NDST3: variants seen among roughly 807,000 people sequenced by gnomAD.
The protein encoded by NDST3 is N-deacetylase and N-sulfotransferase 3.
NDST3 carries 58 observed loss-of-function variants against 96.1 expected under a neutral mutation model. The observed-to-expected ratio is 0.60, with a 90% CI of 0.49 to 0.75. The LOEUF (loss-of-function observed/expected upper bound fraction) is 0.75. Ranked by LOEUF, NDST3 falls within the 30% of genes least tolerant of loss-of-function variation. NDST3 has a pLI of 0.00. For missense variants in NDST3, 788 were observed against 1,034.2 expected, an observed-to-expected ratio of 0.76 and a Z score of 3.27; for synonymous variants, 333 against 359.7, an observed-to-expected ratio of 0.93 and a Z score of 0.84.
rs559743184 is a variant in NDST3 at position 118,138,294 on chromosome 4, T to G, written c.1410+55T>G. On this transcript the variant is annotated intron_variant, in intron 5 of 13. Transcript: ENST00000296499. ...AACTAATTCTGCAAGATTTCATTCC[T>G]CACTTGAAGAAAGAAAAACACAAAT... is the stretch of plus-strand genomic sequence containing the variant. 32 of 1,443,574 alleles carry G rather than the reference T, an allele frequency of 2.2e-5. No individual in the cohort carries two copies. The African/African-American group carries it at 3.9e-4, about 17-fold the overall frequency. The allele number at this position is 1,443,574 out of a possible 1,614,324, so 89.4% of individuals were successfully genotyped here. A position where few individuals can be genotyped will look rare whatever the true frequency, so the allele number is the denominator to read the frequency against.
chr4:118,229,910 G>C (rs1165952337), intron 8 of NDST3, among the ~76,000 whole-genome samples: 3 of 151,966 alleles, frequency 2.0e-5, no homozygotes, highest in Non-Finnish European at 4.4e-5. Flanking sequence ...GTTTTTATCT[G>C]GAAAAATGCC....
At chr4:118,206,608 C>A (rs557841853) in intron 6 of NDST3, among the ~76,000 whole-genome samples, 2 of 144,778 alleles carry the variant, frequency 1.4e-5, no homozygotes, top group South Asian at 4.6e-4. Flanking sequence ...ATAGGAGTTA[C>A]TGATATTTCC....
At chr4:118,075,812 T>C (rs1727480800) in intron 2 of NDST3, among the ~76,000 whole-genome samples, 1 of 152,310 alleles carries the variant, frequency 6.6e-6, no homozygotes, top group South Asian at 2.1e-4. Flanking sequence ...CTTTGTCAGA[T>C]GGGTAGATTG....
chr4:118,066,032 A>C (rs895884789), intron 2 of NDST3, among the ~76,000 whole-genome samples: 4 of 133,150 alleles, frequency 3.0e-5, no homozygotes, highest in African/African-American at 1.1e-4. Flanking sequence ...TAATAATAAT[A>C]AGTTCTTCAC....
chr4:118,091,225 C>G lies in NDST3; in HGVS notation c.982-13793C>G, dbSNP rs72905238. Among the ~76,000 whole-genome samples the G allele has an allele frequency of 6.3e-3, 961 of 151,698 alleles. 8 individuals carry two copies. The highest frequency in any genetic ancestry group is 0.022 in the African/African-American group (916 of 41,394). ...TACCTGGATGATGAAATAATTTGTA[C>G]CCCATAGCCCCACAGCACACAATTT... On this transcript the variant is annotated intron_variant, in intron 2 of 13. Coordinates refer to ENST00000296499, the MANE Select transcript of NDST3 (RefSeq NM_004784.3).
At chr4:118,071,628 T>C (rs968207340) in intron 2 of NDST3, among the ~76,000 whole-genome samples, 1 of 152,130 alleles carries the variant, frequency 6.6e-6, no homozygotes, top group Non-Finnish European at 1.5e-5. Context: ...TGATATTCCA[T>C]GGCATATATT....
chr4:118,122,714 G>A (rs987722381), intron 4 of NDST3, among the ~76,000 whole-genome samples: 1 of 152,208 alleles, frequency 6.6e-6, no homozygotes, highest in Non-Finnish European at 1.5e-5. Context: ...AGAACCTTAC[G>A]GTTCAGTGAG....
rs979152829 is a variant in NDST3 at position 118,173,900 on chromosome 4, C to T, written c.1539+30216C>T. ...CTACAAACACAAGCTGATTCTTAAA[C>T]TGAGAAAGCAATATCCAGAGTCAGA... On this transcript the variant is annotated intron_variant, in intron 6 of 13. Coordinates refer to ENST00000296499, the MANE Select transcript of NDST3 (RefSeq NM_004784.3). Among the ~76,000 whole-genome samples the T allele has an allele frequency of 2.6e-5, 4 of 152,216 alleles. No individual in the cohort carries two copies. The South Asian group carries it at 8.3e-4, about 32-fold the overall frequency.
intron 3 of NDST3, among the ~76,000 whole-genome samples, chr4:118,110,976 C>G (rs1370641829): frequency 6.6e-6 from 1 of 152,114 alleles, no homozygotes; most frequent in Non-Finnish European, 1.5e-5. Context: ...TGGAATACTA[C>G]ACAGCCATTA....
At chr4:118,144,044 T>G (rs565182441) in intron 6 of NDST3, among the ~76,000 whole-genome samples, 1 of 152,300 alleles carries the variant, frequency 6.6e-6, no homozygotes, top group South Asian at 2.1e-4. Context: ...CTATTATTAT[T>G]TTTATTTTAC....
intron 8 of NDST3, among the ~76,000 whole-genome samples, chr4:118,230,087 G>A (rs1740166975): frequency 6.6e-6 from 1 of 152,146 alleles, no homozygotes; most frequent in African/African-American, 2.4e-5. Context: ...CAGCTGGTAA[G>A]TACAAGAATA....
intron 2 of NDST3, among the ~76,000 whole-genome samples, chr4:118,080,922 A>G (rs1338002898): frequency 6.6e-6 from 1 of 152,194 alleles, no homozygotes; most frequent in East Asian, 1.9e-4. Context: ...AGGCTTATAA[A>G]TAAACTTATC....
intron 6 of NDST3, among the ~76,000 whole-genome samples, chr4:118,152,086 T>C (rs1281338282): frequency 2.0e-5 from 3 of 152,244 alleles, no homozygotes; most frequent in Admixed American, 2.0e-4. Context: ...AATTAACTTT[T>C]CTAATGAACT....
In NDST3 at chr4:118,175,136, A is replaced by C. The variant is rs112166991; in HGVS notation, c.1539+31452A>C. Reference sequence around the variant, plus strand: ...TCATCAATTCAATGCTCCAGTGTTTATCCTTGATTTCATTGTTTTCTTGCC... The same window carrying C: ...TCATCAATTCAATGCTCCAGTGTTTCTCCTTGATTTCATTGTTTTCTTGCC... On this transcript the variant is annotated intron_variant, in intron 6 of 13. Transcript: ENST00000296499. 4.6e-5 allele frequency among the ~76,000 whole-genome samples: 7 copies of C among 152,200 alleles called. 1 individual carries two copies. The highest frequency in any genetic ancestry group is 1.4e-4 in the African/African-American group (6 of 41,554).
At chr4:118,156,550 A>G (rs1160125704) in intron 6 of NDST3, among the ~76,000 whole-genome samples, 2 of 152,218 alleles carry the variant, frequency 1.3e-5, no homozygotes, top group Non-Finnish European at 2.9e-5. Flanking sequence ...GACTACATAC[A>G]TACTATCTTT....
chr4:118,097,583 G>A (rs1022315747), intron 2 of NDST3, among the ~76,000 whole-genome samples: 6 of 151,806 alleles, frequency 4.0e-5, no homozygotes, highest in African/African-American at 1.2e-4. Flanking sequence ...GTTAGGACCC[G>A]GAAGTCTACA....
chr4:118,140,884 A>G (rs1467799702), intron 5 of NDST3, among the ~76,000 whole-genome samples: 1 of 152,182 alleles, frequency 6.6e-6, no homozygotes, highest in Non-Finnish European at 1.5e-5. Context: ...ATTACAATTT[A>G]AAATGAGATT....
At chr4:118,123,634 C>A (rs1179278781) in intron 4 of NDST3, among the ~76,000 whole-genome samples, 1 of 152,038 alleles carries the variant, frequency 6.6e-6, no homozygotes, top group Admixed American at 6.6e-5. Context: ...CTGGGCTGTG[C>A]AAAGTACAAG....
intron 4 of NDST3, among the ~76,000 whole-genome samples, chr4:118,123,655 ATTCTT>A (rs1370879793): frequency 6.6e-6 from 1 of 152,140 alleles, no homozygotes; most frequent in Non-Finnish European, 1.5e-5. Context: ...TGTTTACATG[ATTCTT>A]TTGAGTATTC....
Sources: gnomAD v4.1 joint callset for allele counts (sites outside exome capture counted in the v4.1 genomes callset) on GRCh38, gnomAD v4.1.1 for gene constraint, MANE v1.5 for transcripts, NCBI Gene and HGNC (gene_info 2026-07-23, HGNC 2026-07-21) for gene names.